The following ITGB1BP1 variants were observed in gnomAD, a reference collection of about 807,000 sequenced individuals.
The protein encoded by ITGB1BP1 is integrin subunit beta 1 binding protein 1.
Under a neutral mutation model 28.0 loss-of-function variants are expected in ITGB1BP1, and 20 were observed. The observed-to-expected ratio is 0.71, with a 90% CI of 0.50 to 1.04. The LOEUF is 1.04. Among genes scored for constraint, ITGB1BP1 ranks in the 50% least tolerant of loss-of-function variants. ITGB1BP1 has a pLI of 0.00. For missense variants in ITGB1BP1, 228 were observed against 242.5 expected (o/e 0.94, Z 0.40); for synonymous variants, 103 against 89.5 (o/e 1.15, Z -0.85).
chr2:9,408,112 C>T lies in ITGB1BP1; in HGVS notation c.381+1G>A. On this transcript the variant is annotated splice_donor_variant, in intron 5 of 6. Coordinates refer to ENST00000355346, the MANE Select transcript of ITGB1BP1 (RefSeq NM_004763.5). LOFTEE classifies it high-confidence loss of function. ...TTTTCTTAATAAATTATATTACTTA[C>T]ATATTGATCTGATGTTGATACTTTT... The T allele has an allele frequency of 7.1e-7, 1 of 1,416,512 alleles. No homozygotes were observed. Among genetic ancestry groups the T allele is most frequent in the Non-Finnish European group, 1.0e-6 (1 of 1,004,234 alleles). The allele number at this position is 1,416,512 out of a possible 1,614,324, so 87.7% of individuals were successfully genotyped here. A position where few individuals can be genotyped will look rare whatever the true frequency, so the allele number is the denominator to read the frequency against.
chr2:9,407,138 G>A (rs181781324), intron 6 of ITGB1BP1: 285 of 602,186 alleles, frequency 4.7e-4, no homozygotes, highest in African/African-American at 3.3e-3. Flanking sequence ...GGCTGATCAC[G>A]CAGTCTAGGA....
intron 6 of ITGB1BP1, 159 bp from the exon 7 acceptor site, chr2:9,407,064 C>T (rs1327632514): frequency 3.1e-6 from 2 of 640,088 alleles, no homozygotes; most frequent in Non-Finnish European, 5.6e-6. Context: ...CTATGAGCTT[C>T]CCTGCACGTG....
At chr2:9,419,318 C>T (rs546983774) in intron 1 of ITGB1BP1, among the ~76,000 whole-genome samples, 1 of 152,316 alleles carries the variant, frequency 6.6e-6, no homozygotes, top group African/African-American at 2.4e-5. Context: ...TACTTCTCTT[C>T]AATTGAGTCA....
rs1677442119 is a variant in ITGB1BP1 at position 9,406,761 on chromosome 2, A to AT, written c.*72dup. 2 of 979,944 alleles carry AT rather than the reference A, an allele frequency of 2.0e-6. No individual in the cohort carries two copies. The highest frequency in any genetic ancestry group is 3.3e-6 in the Non-Finnish European group (2 of 601,516). The allele number at this position is 979,944 out of a possible 1,614,324, so 60.7% of individuals were successfully genotyped here. A position where few individuals can be genotyped will look rare whatever the true frequency, so the allele number is the denominator to read the frequency against. ...AGCAAGGGATAACTTCATTATTTGC[A>AT]TAACATTTCAGCATTGCAGTTTGAA... is the stretch of plus-strand genomic sequence containing the variant. On this transcript the variant is annotated 3_prime_UTR_variant, in exon 7 of 7. Coordinates refer to ENST00000355346, the MANE Select transcript of ITGB1BP1 (RefSeq NM_004763.5).
chr2:9,416,430 G>C (rs920550301), intron 2 of ITGB1BP1, among the ~76,000 whole-genome samples: 2 of 152,198 alleles, frequency 1.3e-5, no homozygotes, highest in African/African-American at 4.8e-5. Context: ...CATCCAAGCA[G>C]GTGAAGGCCT....
In ITGB1BP1 at chr2:9,406,083, G is replaced by T. The variant is rs1248936564; in HGVS notation, c.*751C>A. 4 of 92,138 alleles carry T rather than the reference G, an allele frequency of 4.3e-5. No individual in the cohort carries two copies. Among genetic ancestry groups the T allele is most frequent in the Non-Finnish European group, 9.4e-5 (4 of 42,358 alleles). The allele number at this position is 92,138 out of a possible 1,614,324, so 5.7% of individuals were successfully genotyped here. On this transcript the variant is annotated 3_prime_UTR_variant, in exon 7 of 7. Transcript: ENST00000355346. ...CTCGTCTTCCTCAGGCCTTCAGTGTGTGTTTGTCACTGAGTGGACCTCTGT... is the reference window on the plus strand; with the variant it reads ...CTCGTCTTCCTCAGGCCTTCAGTGTTTGTTTGTCACTGAGTGGACCTCTGT...
Position 9,413,721 on chromosome 2 carries a change from G to A in ITGB1BP1, c.151+457C>T, listed in dbSNP as rs73152807. Among the ~76,000 whole-genome samples, 714 of 152,240 alleles carry A rather than the reference G, an allele frequency of 4.7e-3. 5 individuals carry two copies. Among genetic ancestry groups the A allele is most frequent in the African/African-American group, 0.017 (690 of 41,540 alleles). On this transcript the variant is annotated intron_variant, in intron 3 of 6. Transcript: ENST00000355346. ...CCCTTAATTACTTGTGTTGGTGGTG[G>A]TCATGAGCTGGTGAATCTCTGGGTT... is the stretch of plus-strand genomic sequence containing the variant.
chr2:9,421,348 C>T (rs1309421556), intron 1 of ITGB1BP1, among the ~76,000 whole-genome samples: 1 of 152,140 alleles, frequency 6.6e-6, no homozygotes, highest in Non-Finnish European at 1.5e-5. Flanking sequence ...TTATTAAAGT[C>T]TTTGATATCT....
At chr2:9,419,242 G>A (rs954364324) in intron 1 of ITGB1BP1, among the ~76,000 whole-genome samples, 1 of 152,176 alleles carries the variant, frequency 6.6e-6, no homozygotes, top group Non-Finnish European at 1.5e-5. Context: ...TTGTCCTACA[G>A]GTGTGAAAAG....
At chr2:9,413,169 A>G (rs1454386947) in intron 3 of ITGB1BP1, among the ~76,000 whole-genome samples, 4 of 152,250 alleles carry the variant, frequency 2.6e-5, no homozygotes, top group African/African-American at 9.6e-5. Context: ...GGCATCTGGC[A>G]GGAAAGACAA....
Position 9,406,743 on chromosome 2 carries a change from G to T in ITGB1BP1, c.*91C>A. ...TTTCTTCAGAAAATCTAGAGCAAGG[G>T]ATAACTTCATTATTTGCATAACATT... On this transcript the variant is annotated 3_prime_UTR_variant, in exon 7 of 7. Transcript: ENST00000355346. The T allele has an allele frequency of 1.1e-6, 1 of 881,856 alleles. No homozygotes were observed. The highest frequency in any genetic ancestry group is 1.9e-6 in the Non-Finnish European group (1 of 516,426). 54.6% of individuals were successfully genotyped at this position (881,856 alleles called of 1,614,324 possible).
chr2:9,423,314 G>A (rs1362003272), intron 1 of ITGB1BP1, 59 bp downstream of exon 1: 2 of 1,223,484 alleles, frequency 1.6e-6, no homozygotes, highest in African/African-American at 1.6e-5. Context: ...TCTCGGGACC[G>A]TGTTCCCGTC....
Position 9,408,143 on chromosome 2 carries a change from AT to A in ITGB1BP1, c.350del (p.Tyr117LeufsTer3). On this transcript the variant is annotated frameshift_variant, in exon 5 of 7. Coordinates refer to ENST00000355346, the MANE Select transcript of ITGB1BP1 (RefSeq NM_004763.5). LOFTEE classifies it high-confidence loss of function. ...EEEFIMGVSK[Y>X]GIKVSTSDQY... ...GATCTGATGTTGATACTTTTATGCC[AT>A]ACTTGGAAACTCCCATAATAAATTC... 6.3e-7 allele frequency: 1 copy of A among 1,589,216 alleles called. No homozygotes were observed. The highest frequency in any genetic ancestry group is 8.6e-7 in the Non-Finnish European group (1 of 1,157,934).
rs1329831602 is a variant in ITGB1BP1 at position 9,423,375 on chromosome 2, C to T, written c.-38G>A. 3.5e-6 allele frequency: 4 copies of T among 1,155,422 alleles called. No individual in the cohort carries two copies. The highest frequency in any genetic ancestry group is 4.3e-6 in the Non-Finnish European group (4 of 925,682). 71.6% of individuals were successfully genotyped at this position (1,155,422 alleles called of 1,614,324 possible). A position where few individuals can be genotyped will look rare whatever the true frequency, so the allele number is the denominator to read the frequency against. On this transcript the variant is annotated splice_region_variant and 5_prime_UTR_variant, in exon 1 of 7. Transcript: ENST00000355346. ...CGGGACGAGGGCTGGGCGCTCACCT[C>T]GCAGCCGCGGGCCCATCCCCGGGTT...
intron 1 of ITGB1BP1, among the ~76,000 whole-genome samples, chr2:9,421,917 C>CTG (rs1679921694): frequency 6.6e-6 from 1 of 152,096 alleles, no homozygotes; most frequent in Non-Finnish European, 1.5e-5. Flanking sequence ...CACATCCAAT[C>CTG]TGGCACCAAG....
chr2:9,410,605 A>G, intron 4 of ITGB1BP1, among the ~76,000 whole-genome samples: 1 of 152,118 alleles, frequency 6.6e-6, no homozygotes, highest in East Asian at 1.9e-4. Context: ...ACACCCAGCT[A>G]ATTTTTGTAT....
rs10929581 is a variant in ITGB1BP1, at chr2:9,412,250, C to T, written c.288+19G>A. ...CCAGACTCTCATAACCAGAGAGTTA[C>T]GGAATTTTTTTTTTTTACCTGGGCA... is the stretch of plus-strand genomic sequence containing the variant. On this transcript the variant is annotated intron_variant, in intron 4 of 6. Coordinates refer to ENST00000355346, the MANE Select transcript of ITGB1BP1 (RefSeq NM_004763.5). 0.35 allele frequency: 550,807 copies of T among 1,584,582 alleles called. 103,192 individuals carry two copies. Among genetic ancestry groups the T allele is most frequent in the Non-Finnish European group, 0.38 (444,438 of 1,162,436 alleles).
At position 9,408,130 on chromosome 2, in the gene ITGB1BP1, A is replaced by C; in HGVS notation, c.364T>G (p.Ser122Ala). ...MGVSKYGIKVSTSDQYDVLHR... is the reference protein window; with the variant it reads ...MGVSKYGIKVATSDQYDVLHR... ...TTACTTACATATTGATCTGATGTTG[A>C]TACTTTTATGCCATACTTGGAAACT... The change falls in exon 5 of 7, where the codon TCA becomes GCA. Residue 122 changes from serine to alanine, a missense_variant. Coordinates refer to ENST00000355346, the MANE Select transcript of ITGB1BP1 (RefSeq NM_004763.5). The C allele has an allele frequency of 1.3e-6, 2 of 1,553,898 alleles. No individual in the cohort carries two copies. Among genetic ancestry groups the C allele is most frequent in the Non-Finnish European group, 1.8e-6 (2 of 1,126,350 alleles).
chr2:9,406,929 A>G, intron 6 of ITGB1BP1, 24 bp from the exon 7 acceptor site: 1 of 1,549,190 alleles, frequency 6.5e-7, no homozygotes, highest in Admixed American at 1.7e-5. Context: ...AAGATAGAGT[A>G]AGAGCAACAT....
Sources: allele counts gnomAD v4.1 joint callset (sites outside exome capture counted in the v4.1 genomes callset), GRCh38; gene constraint gnomAD v4.1.1; transcripts MANE v1.5; gene names NCBI Gene and HGNC (gene_info 2026-07-23, HGNC 2026-07-21).